GOLM2: variants seen among roughly 807,000 people sequenced by gnomAD.
GOLM2 encodes protein GOLM2.
GOLM2 carries 26 observed loss-of-function variants against 55.9 expected under a neutral mutation model. The ratio of observed to expected loss-of-function variants is 0.47; its 90% CI spans 0.34 to 0.65. GOLM2 has a LOEUF of 0.65. Ranked by LOEUF, GOLM2 falls within the 30% of genes least tolerant of loss-of-function variation. The pLI is 0.01. For missense variants in GOLM2, 486 were observed against 531.8 expected, an observed-to-expected ratio of 0.91 and a Z score of 0.85; for synonymous variants, 165 against 194.6, an observed-to-expected ratio of 0.85 and a Z score of 1.27.
rs145701237 is a variant in GOLM2 at position 44,374,507 on chromosome 15, G to GA, written c.803-5173dup. On this transcript the variant is annotated intron_variant, in intron 6 of 9. Coordinates refer to ENST00000299957, the MANE Select transcript of GOLM2 (RefSeq NM_138423.4). ...TTGTTTTTGTTTTAAATGTTTAAAA[G>GA]AAAAAAAAAATTACCAGAGACTGGG... Among the ~76,000 whole-genome samples, 266 of 148,408 alleles carry GA rather than the reference G, an allele frequency of 1.8e-3. 1 individual carries two copies. Among genetic ancestry groups the GA allele is most frequent in the African/African-American group, 6.2e-3 (251 of 40,582 alleles).
intron 1 of GOLM2, among the ~76,000 whole-genome samples, chr15:44,314,559 C>CAA (rs371029849): frequency 4.0e-5 from 3 of 75,736 alleles, no homozygotes; most frequent in Non-Finnish European, 5.8e-5. Flanking sequence ...AACTCCATCT[C>CAA]AAAAAAAAAA....
chr15:44,301,660 G>A (rs1332926857), intron 1 of GOLM2, among the ~76,000 whole-genome samples: 1 of 152,144 alleles, frequency 6.6e-6, no homozygotes, highest in Non-Finnish European at 1.5e-5. Flanking sequence ...GGCAAAGATT[G>A]AGTGAGAGGT....
chr15:44,383,105 A>G (rs1281258471), intron 8 of GOLM2, among the ~76,000 whole-genome samples: 3 of 150,812 alleles, frequency 2.0e-5, no homozygotes, highest in African/African-American at 7.3e-5. Flanking sequence ...ATATACACAT[A>G]TATTCTGTAT....
intron 4 of GOLM2, 151 bp from the exon 5 acceptor site, chr15:44,337,612 A>G (rs2079065604): frequency 1.8e-6 from 1 of 553,298 alleles, no homozygotes; most frequent in Non-Finnish European, 3.1e-6. Context: ...TCACACAGAA[A>G]ATAATGTATC....
At chr15:44,407,140 G>A (rs1051652438) in intron 9 of GOLM2, among the ~76,000 whole-genome samples, 2 of 139,162 alleles carry the variant, frequency 1.4e-5, no homozygotes, top group African/African-American at 2.6e-5. Context: ...ATATATAAAT[G>A]GTTATATATT....
Position 44,340,633 on chromosome 15 carries a change from A to G in GOLM2, c.802+2316A>G, listed in dbSNP as rs560133814. Among the ~76,000 whole-genome samples the G allele has an allele frequency of 4.6e-5, 7 of 152,316 alleles. No individual in the cohort carries two copies. The South Asian group carries it at 1.0e-3, about 23-fold the overall frequency. On this transcript the variant is annotated intron_variant, in intron 6 of 9. Coordinates refer to ENST00000299957, the MANE Select transcript of GOLM2 (RefSeq NM_138423.4). ...TACCCAGGAACCTGTTAGACATGCA[A>G]ATTCTTAGGTCTCATTCCAGACCTA...
intron 1 of GOLM2, among the ~76,000 whole-genome samples, chr15:44,303,574 G>GT (rs144329949): frequency 0.014 from 2,061 of 151,328 alleles, 45 homozygotes; most frequent in East Asian, 0.087. Flanking sequence ...ATTTTTGTTT[G>GT]TTTTTTTTGG....
In GOLM2 at chr15:44,379,778, T is replaced by G; in HGVS notation, c.891T>G (p.Asn297Lys). Residue 297 changes from asparagine to lysine, a missense_variant, in exon 7 of 10, where the codon AAT becomes AAG. Asn to Lys is a moderately conservative substitution (Grantham distance 94, BLOSUM62 0). Transcript: ENST00000299957. ...CAACTGGACAACCTCTCTCCCCAAA[T>G]ATGCCTCCAGGTATGAAGGCTTATG... ...HLPTGQPLSPNMPPDSHINHN... is the reference protein window; with the variant it reads ...HLPTGQPLSPKMPPDSHINHN... 1 of 1,603,526 alleles carries G rather than the reference T, an allele frequency of 6.2e-7. No homozygotes were observed. The highest frequency in any genetic ancestry group is 8.5e-7 in the Non-Finnish European group (1 of 1,170,628).
At chr15:44,372,243 G>A (rs961419584) in intron 6 of GOLM2, among the ~76,000 whole-genome samples, 1 of 152,162 alleles carries the variant, frequency 6.6e-6, no homozygotes, top group African/African-American at 2.4e-5. Context: ...GTACGTCTGT[G>A]GTAGTGTCTG....
intron 6 of GOLM2, among the ~76,000 whole-genome samples, chr15:44,378,183 G>A (rs1253002488): frequency 2.0e-5 from 3 of 151,218 alleles, no homozygotes; most frequent in Admixed American, 6.6e-5. Context: ...CAAGTAGCTG[G>A]GACTACAGGT....
At chr15:44,408,078 C>T (rs1330515227) in intron 9 of GOLM2, among the ~76,000 whole-genome samples, 2 of 152,082 alleles carry the variant, frequency 1.3e-5, no homozygotes, top group Non-Finnish European at 2.9e-5. Context: ...TGGAGGTGGC[C>T]TTTCTTGACT....
chr15:44,377,845 T>G (rs1356516004), intron 6 of GOLM2, among the ~76,000 whole-genome samples: 1 of 151,406 alleles, frequency 6.6e-6, no homozygotes, highest in Non-Finnish European at 1.5e-5. Flanking sequence ...TAACCCTAAT[T>G]TTAAGGTATA....
At chr15:44,392,894 G>A (rs868336753) in intron 8 of GOLM2, among the ~76,000 whole-genome samples, 8 of 152,096 alleles carry the variant, frequency 5.3e-5, no homozygotes, top group African/African-American at 1.9e-4. Context: ...TCCTTAACTC[G>A]ATAGAGTATT....
intron 6 of GOLM2, among the ~76,000 whole-genome samples, chr15:44,352,228 G>A (rs184405074): frequency 6.6e-6 from 1 of 152,228 alleles, no homozygotes; most frequent in Admixed American, 6.5e-5. Context: ...CAGACACATA[G>A]ACCAATGAAA....
At chr15:44,335,339 A>G (rs1181068336) in intron 4 of GOLM2, among the ~76,000 whole-genome samples, 1 of 152,226 alleles carries the variant, frequency 6.6e-6, no homozygotes, top group Admixed American at 6.5e-5. Flanking sequence ...CCAAATCACA[A>G]ACATTACATC....
intron 4 of GOLM2, among the ~76,000 whole-genome samples, chr15:44,333,308 A>T (rs992506396): frequency 9.9e-5 from 15 of 152,228 alleles, no homozygotes; most frequent in African/African-American, 3.6e-4. Context: ...AAAGGAAAAA[A>T]AGATTTAATA....
chr15:44,330,997 T>G (rs1333564339), intron 3 of GOLM2, among the ~76,000 whole-genome samples: 1 of 152,004 alleles, frequency 6.6e-6, no homozygotes, highest in Non-Finnish European at 1.5e-5. Flanking sequence ...AGTTGGTGGG[T>G]TTTTTTGTTT....
At chr15:44,298,897 G>A (rs1567019483) in intron 1 of GOLM2, among the ~76,000 whole-genome samples, 1 of 152,054 alleles carries the variant, frequency 6.6e-6, no homozygotes, top group Non-Finnish European at 1.5e-5. Context: ...GATTAGGGTG[G>A]CCCCTATTCC....
chr15:44,376,505 C>T (rs962309972), intron 6 of GOLM2, among the ~76,000 whole-genome samples: 23 of 152,180 alleles, frequency 1.5e-4, no homozygotes, highest in South Asian at 4.1e-4. Context: ...GCCTTGGCCT[C>T]CTAAAATATT....
Sources: gnomAD v4.1 joint callset for allele counts (sites outside exome capture counted in the v4.1 genomes callset) on GRCh38, gnomAD v4.1.1 for gene constraint, MANE v1.5 for transcripts, NCBI Gene and HGNC (gene_info 2026-07-23, HGNC 2026-07-21) for gene names.